The following DLC1 variants were observed in gnomAD, a reference collection of about 807,000 sequenced individuals.
The protein encoded by DLC1 is rho GTPase-activating protein 7.
A neutral mutation model predicts 140.3 loss-of-function variants in DLC1; 54 were observed. The ratio of observed to expected loss-of-function variants is 0.38; its 90% confidence interval spans 0.31 to 0.48. The LOEUF (loss-of-function observed/expected upper bound fraction) is 0.48, where lower values mean the gene tolerates loss of function less well. Ranked by LOEUF, DLC1 falls within the 20% of genes least tolerant of loss-of-function variation. The pLI is 0.96. For synonymous variants in DLC1, 986 were observed against 728.1 expected (o/e 1.35, Z -5.70); for missense variants, 2,536 against 1,907.0 (o/e 1.33, Z -6.14).
intron 9 of DLC1, 81 bp from the exon 10 acceptor site, chr8:13,098,656 C>A: frequency 1.4e-6 from 2 of 1,438,126 alleles, no homozygotes; most frequent in East Asian, 2.5e-5. Context: ...TGCTCTGTTG[C>A]CCAGGCTGGA....
intron 5 of DLC1, among the ~76,000 whole-genome samples, chr8:13,238,861 G>A (rs1235930547): frequency 6.6e-6 from 1 of 152,162 alleles, no homozygotes; most frequent in African/African-American, 2.4e-5. Flanking sequence ...GGGCTTACCT[G>A]GGAACAATCA....
intron 12 of DLC1, among the ~76,000 whole-genome samples, chr8:13,094,198 A>C (rs1334020901): frequency 6.6e-6 from 1 of 152,226 alleles, no homozygotes; most frequent in African/African-American, 2.4e-5. Context: ...ATGAAAGTCT[A>C]ACTTTTCATT....
intron 1 of DLC1, among the ~76,000 whole-genome samples, chr8:13,581,703 G>A (rs1383512723): frequency 6.6e-6 from 1 of 152,128 alleles, no homozygotes; most frequent in Admixed American, 6.5e-5. Context: ...TCAAAGATGT[G>A]CATCAGATTA....
intron 5 of DLC1, among the ~76,000 whole-genome samples, chr8:13,234,780 A>G (rs922471494): frequency 1.3e-5 from 2 of 152,142 alleles, no homozygotes; most frequent in African/African-American, 4.8e-5. Context: ...TGAATGCTGA[A>G]AAGTTAAATT....
chr8:13,092,937 G>C lies in DLC1; in HGVS notation c.3527-112C>G. 4 of 1,206,368 alleles carry C rather than the reference G, an allele frequency of 3.3e-6. No individual in the cohort carries two copies. The South Asian group carries it at 4.2e-5, about 13-fold the overall frequency. 74.7% of individuals were successfully genotyped at this position (1,206,368 alleles called of 1,614,324 possible). ...AATACCTCAGCCCAGTACTGAACAA[G>C]CACTTGTAGAAAGTGCACTAGAGGT... On this transcript the variant is annotated intron_variant, in intron 12 of 17. Coordinates refer to ENST00000276297, the MANE Select transcript of DLC1 (RefSeq NM_182643.3).
chr8:13,270,538 A>G (rs1395691027), intron 5 of DLC1, among the ~76,000 whole-genome samples: 2 of 152,154 alleles, frequency 1.3e-5, no homozygotes, highest in Non-Finnish European at 2.9e-5. Context: ...AAACTTTCAG[A>G]TATCGTATAT....
At chr8:13,296,736 C>T (rs892398426) in intron 5 of DLC1, among the ~76,000 whole-genome samples, 43 of 151,570 alleles carry the variant, frequency 2.8e-4, no homozygotes, top group African/African-American at 1.0e-3. Flanking sequence ...GAGCTCTTAG[C>T]CTGATATAGC....
intron 5 of DLC1, 98 bp from the exon 6 acceptor site, chr8:13,115,755 G>T: frequency 9.2e-7 from 1 of 1,088,814 alleles, no homozygotes; most frequent in South Asian, 1.4e-5. Flanking sequence ...AGCAAAACAT[G>T]ACTGCCATAG....
intron 5 of DLC1, among the ~76,000 whole-genome samples, chr8:13,228,513 T>A (rs1265201598): frequency 6.6e-6 from 1 of 151,440 alleles, no homozygotes; most frequent in Non-Finnish European, 1.5e-5. Flanking sequence ...GAGGCTGAGG[T>A]GGGAGGATTG....
chr8:13,405,502 A>G (rs943304564), intron 2 of DLC1, among the ~76,000 whole-genome samples: 8 of 152,246 alleles, frequency 5.3e-5, no homozygotes, highest in African/African-American at 1.9e-4. Context: ...TTGATTTTAC[A>G]GATGAGAAAA....
chr8:13,331,501 T>A (rs1048455066), intron 4 of DLC1, among the ~76,000 whole-genome samples: 1 of 152,180 alleles, frequency 6.6e-6, no homozygotes, highest in Non-Finnish European at 1.5e-5. Flanking sequence ...TTTGTTAAAA[T>A]AGCTATTGCT....
intron 1 of DLC1, among the ~76,000 whole-genome samples, chr8:13,511,085 T>C (rs188260011): frequency 1.3e-3 from 197 of 152,296 alleles, no homozygotes; most frequent in Non-Finnish European, 2.5e-3. Context: ...TTGCTGGGAA[T>C]AAAAGAAACA....
Position 13,401,586 on chromosome 8 carries a change from C to A in DLC1, c.1057G>T (p.Asp353Tyr), listed in dbSNP as rs1312380540. The A allele has an allele frequency of 1.2e-6, 2 of 1,613,604 alleles. No individual in the cohort carries two copies. Among genetic ancestry groups the A allele is most frequent in the African/African-American group, 1.3e-5 (1 of 74,904 alleles). Residue 353 changes from aspartate to tyrosine, a missense_variant, in exon 3 of 18, where the codon GAC becomes TAC. Transcript: ENST00000276297. Reference sequence around the variant, plus strand: ...TTCATAATCAGCAGCACCATGGAGTCCAGCCGCGCCCTATCTCGATCTTCT... The same window carrying A: ...TTCATAATCAGCAGCACCATGGAGTACAGCCGCGCCCTATCTCGATCTTCT... ...IREDRDRARL[D>Y]SMVLLIMKLD...
intron 5 of DLC1, among the ~76,000 whole-genome samples, chr8:13,235,888 A>C (rs1187195850): frequency 6.6e-6 from 1 of 152,012 alleles, no homozygotes; most frequent in Admixed American, 6.6e-5. Flanking sequence ...GCTGACATCT[A>C]TTTTCAGAGA....
At chr8:13,095,312 A>C (rs1032127401) in intron 10 of DLC1, 67 bp from the exon 11 acceptor site, 5 of 1,595,434 alleles carry the variant, frequency 3.1e-6, no homozygotes, top group Non-Finnish European at 4.3e-6. Context: ...ACACTTGTCC[A>C]ATTCTGCAGG....
At chr8:13,094,268 T>C in intron 12 of DLC1, among the ~76,000 whole-genome samples, 1 of 152,236 alleles carries the variant, frequency 6.6e-6, no homozygotes, top group East Asian at 1.9e-4. Context: ...TATTTTCACA[T>C]CATTCAATAA....
intron 1 of DLC1, among the ~76,000 whole-genome samples, chr8:13,601,654 AAC>A (rs1491214024): frequency 6.6e-6 from 1 of 151,656 alleles, no homozygotes. Flanking sequence ...ACAAAAAAAA[AAC>A]AAAACAAAAC....
chr8:13,434,960 G>C (rs75858973), intron 2 of DLC1, among the ~76,000 whole-genome samples: 7 of 150,298 alleles, frequency 4.7e-5, no homozygotes, highest in African/African-American at 1.5e-4. Flanking sequence ...GATTACAGGC[G>C]TGACCCCCCC....
chr8:13,233,602 A>G (rs1426758133), intron 5 of DLC1, among the ~76,000 whole-genome samples: 1 of 152,226 alleles, frequency 6.6e-6, no homozygotes, highest in Non-Finnish European at 1.5e-5. Context: ...AATGTACTCC[A>G]GAGAAATTTC....
Sources: gnomAD v4.1 joint callset for allele counts (sites outside exome capture counted in the v4.1 genomes callset) on GRCh38, gnomAD v4.1.1 for gene constraint, MANE v1.5 for transcripts, NCBI Gene and HGNC (gene_info 2026-07-23, HGNC 2026-07-21) for gene names.